PDSS2: variants seen among roughly 807,000 people sequenced by gnomAD.
PDSS2 encodes all trans-polyprenyl-diphosphate synthase PDSS2.
In PDSS2, 31 loss-of-function variants were observed where a neutral mutation model predicts 44.5. The ratio of observed to expected loss-of-function variants is 0.70; its 90% CI spans 0.52 to 0.94. The LOEUF (loss-of-function observed/expected upper bound fraction) is 0.94. Ranked by LOEUF, PDSS2 falls within the 40% of genes least tolerant of loss-of-function variation. The probability of loss-of-function intolerance (pLI) is 0.00; values close to 1 mark genes in which losing one functional copy is unlikely to be tolerated. For synonymous variants in PDSS2, 157 were observed against 180.3 expected (o/e 0.87, Z 1.03); for missense variants, 452 against 482.2 (o/e 0.94, Z 0.59).
intron 1 of PDSS2, among the ~76,000 whole-genome samples, chr6:107,446,251 G>A (rs565803221): frequency 6.6e-6 from 1 of 152,090 alleles, no homozygotes; most frequent in African/African-American, 2.4e-5. Context: ...AGGAGGTGGA[G>A]GTTGCAGTGA....
At chr6:107,362,251 ATG>A in intron 1 of PDSS2, among the ~76,000 whole-genome samples, 1 of 152,124 alleles carries the variant, frequency 6.6e-6, no homozygotes. Context: ...CAGGTGGGAC[ATG>A]AGAGGTCCCA....
chr6:107,175,614 G>A (rs953677861), intron 7 of PDSS2, among the ~76,000 whole-genome samples: 4 of 152,092 alleles, frequency 2.6e-5, no homozygotes, highest in Admixed American at 6.5e-5. Context: ...CATATTTATA[G>A]AGATTGCAGA....
intron 3 of PDSS2, among the ~76,000 whole-genome samples, chr6:107,272,139 C>T (rs1420809664): frequency 6.6e-6 from 1 of 150,672 alleles, no homozygotes. Context: ...GTGTAAGGGT[C>T]TCAGAATACT....
intron 7 of PDSS2, among the ~76,000 whole-genome samples, chr6:107,187,994 C>A (rs954475168): frequency 1.3e-5 from 2 of 152,146 alleles, no homozygotes; most frequent in Non-Finnish European, 2.9e-5. Flanking sequence ...GATAGGGAAG[C>A]TGGAGTCAAG....
chr6:107,455,977 A>G (rs1782029379), intron 1 of PDSS2, among the ~76,000 whole-genome samples: 1 of 152,164 alleles, frequency 6.6e-6, no homozygotes, highest in Admixed American at 6.5e-5. Context: ...ACATATTTAT[A>G]ACAGCATTTT....
rs146012372 is a variant in PDSS2, at chr6:107,370,571, C to T, written c.297-36239G>A. Among the ~76,000 whole-genome samples the T allele has an allele frequency of 4.6e-5, 7 of 152,232 alleles. No homozygotes were observed. The East Asian group carries it at 1.4e-3, about 29-fold the overall frequency. On this transcript the variant is annotated intron_variant, in intron 1 of 7. Coordinates refer to ENST00000369037, the MANE Select transcript of PDSS2 (RefSeq NM_020381.4). ...CTGAATTTTAAGCCTGCTATTTAAG[C>T]ATAACGAGTGTATTTCAAAGATAAG...
At chr6:107,168,658 T>C (rs1244320123) in intron 7 of PDSS2, among the ~76,000 whole-genome samples, 1 of 151,404 alleles carries the variant, frequency 6.6e-6, no homozygotes, top group Admixed American at 6.6e-5. Flanking sequence ...AGGAGCTCTT[T>C]TAGGGCAGGC....
At chr6:107,188,012 G>C (rs1290706668) in intron 7 of PDSS2, among the ~76,000 whole-genome samples, 1 of 152,210 alleles carries the variant, frequency 6.6e-6, no homozygotes, top group Non-Finnish European at 1.5e-5. Flanking sequence ...AAGGGAGCTT[G>C]TGATGGCAAA....
At chr6:107,446,118 C>A (rs1781669589) in intron 1 of PDSS2, among the ~76,000 whole-genome samples, 1 of 152,034 alleles carries the variant, frequency 6.6e-6, no homozygotes. Context: ...GAGATCGAGA[C>A]CATCTGGGCC....
At chr6:107,187,043 A>C (rs1229513032) in intron 7 of PDSS2, among the ~76,000 whole-genome samples, 1 of 152,222 alleles carries the variant, frequency 6.6e-6, no homozygotes, top group Non-Finnish European at 1.5e-5. Flanking sequence ...AGCAGAGCAC[A>C]CAAAGCAGGG....
At chr6:107,365,244 G>C (rs1778928042) in intron 1 of PDSS2, among the ~76,000 whole-genome samples, 1 of 151,892 alleles carries the variant, frequency 6.6e-6, no homozygotes, top group Non-Finnish European at 1.5e-5. Flanking sequence ...GAAAAATAGA[G>C]ATATATTGGA....
At chr6:107,420,437 A>AT (rs1780788401) in intron 1 of PDSS2, among the ~76,000 whole-genome samples, 1 of 152,244 alleles carries the variant, frequency 6.6e-6, no homozygotes, top group Non-Finnish European at 1.5e-5. Context: ...GTCTCACTAC[A>AT]TCGCTATCAT....
intron 6 of PDSS2, among the ~76,000 whole-genome samples, chr6:107,197,092 T>C (rs891422052): frequency 2.6e-5 from 4 of 152,316 alleles, no homozygotes; most frequent in African/African-American, 7.2e-5. Flanking sequence ...TGTTCCAAAA[T>C]TCACATAGCT....
At chr6:107,250,948 C>A (rs1306054219) in intron 3 of PDSS2, among the ~76,000 whole-genome samples, 1 of 152,098 alleles carries the variant, frequency 6.6e-6, no homozygotes, top group Admixed American at 6.5e-5. Flanking sequence ...TTCCATCTCC[C>A]GGGTTCAAGT....
chr6:107,261,936 T>G lies in PDSS2; in HGVS notation c.630+12093A>C, dbSNP rs903279877. Reference sequence around the variant, plus strand: ...TTTTTTTTTTTTTTTTGAGATGGAGTCTGGCTCTGTTGCCCAGGCTGGAGT... The same window carrying G: ...TTTTTTTTTTTTTTTTGAGATGGAGGCTGGCTCTGTTGCCCAGGCTGGAGT... On this transcript the variant is annotated intron_variant, in intron 3 of 7. Coordinates refer to ENST00000369037, the MANE Select transcript of PDSS2 (RefSeq NM_020381.4). Among the ~76,000 whole-genome samples the G allele has an allele frequency of 8.3e-5, 11 of 132,358 alleles. No individual in the cohort carries two copies. In the South Asian group the frequency reaches 1.7e-3, roughly 21 times the overall value. 86.8% of individuals were successfully genotyped at this position (132,358 alleles called of 152,430 possible).
chr6:107,301,999 A>G (rs35717901), intron 2 of PDSS2, among the ~76,000 whole-genome samples: 1 of 151,900 alleles, frequency 6.6e-6, no homozygotes, highest in Non-Finnish European at 1.5e-5. Flanking sequence ...TTTAGGTAAT[A>G]AAAAAGTTCT....
intron 1 of PDSS2, among the ~76,000 whole-genome samples, chr6:107,398,979 G>C (rs920193429): frequency 3.9e-5 from 6 of 152,090 alleles, no homozygotes. Context: ...TTCTACACAG[G>C]AAATGGTCTG....
intron 6 of PDSS2, among the ~76,000 whole-genome samples, chr6:107,206,314 C>T (rs374826048): frequency 9.2e-5 from 14 of 152,270 alleles, no homozygotes; most frequent in South Asian, 6.2e-4. Flanking sequence ...TCAAGTGATC[C>T]GCCCACCTCG....
intron 2 of PDSS2, among the ~76,000 whole-genome samples, chr6:107,305,882 AAC>A (rs1339051772): frequency 6.6e-6 from 1 of 152,204 alleles, no homozygotes; most frequent in African/African-American, 2.4e-5. Flanking sequence ...GAGGGGCCTT[AAC>A]ATTATATTTA....
Sources: allele counts gnomAD v4.1 joint callset (sites outside exome capture counted in the v4.1 genomes callset), GRCh38; gene constraint gnomAD v4.1.1; transcripts MANE v1.5; gene names NCBI Gene and HGNC (gene_info 2026-07-23, HGNC 2026-07-21).